The following RYR1 variants were observed in gnomAD, a reference collection of about 807,000 sequenced individuals.
RYR1 encodes ryanodine receptor 1, also known as central core disease of muscle.
Under a neutral mutation model 583.5 loss-of-function variants are expected in RYR1, and 342 were observed. The observed-to-expected ratio is 0.59, with a 90% CI of 0.54 to 0.64. The LOEUF is 0.64. Among genes scored for constraint, RYR1 ranks in the 30% least tolerant of loss-of-function variants. RYR1 has a pLI of 0.00. For synonymous variants in RYR1, 2,791 were observed against 2,822.5 expected (o/e 0.99, Z 0.35); for missense variants, 6,032 against 6,917.2 (o/e 0.87, Z 4.54).
intron 81 of RYR1, 22 bp from the exon 82 acceptor site, chr19:38,535,975 A>G (rs372967786): frequency 1.7e-5 from 27 of 1,610,378 alleles, no homozygotes; most frequent in South Asian, 1.1e-4. Context: ...CATACCCCCT[A>G]TCTTTCCTTT....
At chr19:38,434,008 T>C in intron 1 of RYR1, 134 bp downstream of exon 1, 1 of 811,092 alleles carries the variant, frequency 1.2e-6, no homozygotes, top group Non-Finnish European at 2.2e-6. Flanking sequence ...TCACTTTGAG[T>C]GACTGTCACT....
Position 38,516,198 on chromosome 19 carries a change from G to T in RYR1, c.9666G>T (p.Lys3222Asn). The T allele has an allele frequency of 6.3e-7, 1 of 1,580,956 alleles. No homozygotes were observed. The highest frequency in any genetic ancestry group is 1.7e-4 in the Middle Eastern group (1 of 5,990). ...ACGCCTGCTCCGTGTACACCACCAA[G>T]TCTCCGCGGGAGCGGGCCAGTAAGC... ...EYNACSVYTT[K>N]SPRERAILGL... Residue 3222 changes from lysine to asparagine, a missense_variant, in exon 65 of 106, where the codon AAG (lysine) becomes AAT (asparagine). Coordinates refer to ENST00000359596, the MANE Select transcript of RYR1 (RefSeq NM_000540.3).
Position 38,444,443 on chromosome 19 carries a change from T to C in RYR1, c.538-141T>C. On this transcript the variant is annotated intron_variant, in intron 6 of 105. Coordinates refer to ENST00000359596, the MANE Select transcript of RYR1 (RefSeq NM_000540.3). This position sits in a 1 kb window ranked among gnomAD's most constrained non-coding sequence, Gnocchi z 5.1. ...GACCTCCCATTGCCCGACTTGATCA[T>C]TTCCTGATCTGTGATCTCTGATGAC... The C allele has an allele frequency of 2.3e-6, 2 of 864,146 alleles. No individual in the cohort carries two copies. The highest frequency in any genetic ancestry group is 1.4e-5 in the South Asian group (1 of 70,136). The allele number at this position is 864,146 out of a possible 1,614,324, so 53.5% of individuals were successfully genotyped here. A position where few individuals can be genotyped will look rare whatever the true frequency, so the allele number is the denominator to read the frequency against.
chr19:38,492,570 G>C lies in RYR1; in HGVS notation c.6208G>C (p.Val2070Leu), dbSNP rs749274175. The C allele has an allele frequency of 6.2e-7, 1 of 1,614,070 alleles. No individual in the cohort carries two copies. The highest frequency in any genetic ancestry group is 2.2e-5 in the East Asian group (1 of 44,876). Residue 2070 changes from valine (V) to leucine (L), a missense_variant, in exon 38 of 106, where the codon GTG becomes CTG. By Grantham distance (32) the Val-to-Leu change is conservative (BLOSUM62 1). Transcript: ENST00000359596. Reference sequence around the variant, plus strand: ...CCGCCTCATGAGCCTGTTGGAGAAAGTGCGGCTGGTGAAGAAGAAGGAAGA... The same window carrying C: ...CCGCCTCATGAGCCTGTTGGAGAAACTGCGGCTGGTGAAGAAGAAGGAAGA... ...GSRLMSLLEK[V>L]RLVKKKEEKP...
At chr19:38,554,299 A>G (rs1220649952) in intron 89 of RYR1, among the ~76,000 whole-genome samples, 2 of 150,206 alleles carry the variant, frequency 1.3e-5, no homozygotes, top group Non-Finnish European at 3.0e-5. Flanking sequence ...TAAAAATACG[A>G]AAAAATAGCG....
rs1047515754 is a variant in RYR1, at chr19:38,530,163, A to G, written c.11141+1106A>G. Among the ~76,000 whole-genome samples the G allele has an allele frequency of 3.9e-5, 6 of 152,228 alleles. No homozygotes were observed. The East Asian group carries it at 9.7e-4, about 24-fold the overall frequency. ...GAGACGGGCTTTCACCATGTTGGCC[A>G]TGCTTGTCTCAAACTCCTGACCTCA... On this transcript the variant is annotated intron_variant, in intron 76 of 105. Coordinates refer to ENST00000359596, the MANE Select transcript of RYR1 (RefSeq NM_000540.3).
At chr19:38,436,339 C>T (rs913527195) in intron 1 of RYR1, among the ~76,000 whole-genome samples, 3 of 152,086 alleles carry the variant, frequency 2.0e-5, no homozygotes, top group Admixed American at 6.5e-5. Flanking sequence ...TCCTGAGTAG[C>T]TGGGACTACA....
intron 58 of RYR1, among the ~76,000 whole-genome samples, chr19:38,509,906 G>A (rs1970651838): frequency 6.6e-6 from 1 of 151,248 alleles, no homozygotes; most frequent in Admixed American, 6.6e-5. Context: ...TTAACTCAGT[G>A]CCATGTATTC....
chr19:38,507,959 T>C, intron 58 of RYR1, 132 bp downstream of exon 58: 1 of 681,142 alleles, frequency 1.5e-6, no homozygotes, highest in African/African-American at 1.8e-5. Context: ...GAGCTTCTAC[T>C]ATGTGCCAGA....
Position 38,492,543 on chromosome 19 carries a change from A to T in RYR1, c.6181A>T (p.Ser2061Cys). 6.2e-7 allele frequency: 1 copy of T among 1,614,126 alleles called. No homozygotes were observed. The highest frequency in any genetic ancestry group is 8.5e-7 in the Non-Finnish European group (1 of 1,179,994). Reference sequence around the variant, plus strand: ...ACCAGAGGAAGAGACCACCCTGGGCAGCCGCCTCATGAGCCTGTTGGAGAA... The same window carrying T: ...ACCAGAGGAAGAGACCACCCTGGGCTGCCGCCTCATGAGCCTGTTGGAGAA... ...EEPEEETTLG[S>C]RLMSLLEKVR... is the part of the protein sequence containing the mutation. Residue 2061 changes from serine (S) to cysteine (C), a missense_variant, in exon 38 of 106, where the codon AGC becomes TGC. This residue lies in a region of RYR1 where 2,627 missense variants were observed against 2,961.3 expected (regional missense o/e 0.89). Coordinates refer to ENST00000359596, the MANE Select transcript of RYR1 (RefSeq NM_000540.3).
intron 105 of RYR1, 82 bp downstream of exon 105, chr19:38,586,658 G>T: frequency 7.5e-7 from 1 of 1,340,070 alleles, no homozygotes; most frequent in African/African-American, 1.4e-5. Context: ...GCAGTAAAAA[G>T]CTCCTATCAA....
intron 23 of RYR1, among the ~76,000 whole-genome samples, chr19:38,465,109 T>G (rs951987088): frequency 7.9e-5 from 12 of 152,084 alleles, no homozygotes; most frequent in African/African-American, 2.4e-5. Context: ...TTACACGTCC[T>G]GAGTTCAGAG....
chr19:38,445,749 G>A (rs1463581470), intron 7 of RYR1, among the ~76,000 whole-genome samples: 1 of 152,172 alleles, frequency 6.6e-6, no homozygotes, highest in Non-Finnish European at 1.5e-5. Flanking sequence ...AGCACTTTGA[G>A]GGGCCAAGGC....
Position 38,543,900 on chromosome 19 carries a change from C to T in RYR1, c.12012+25C>T. 1 of 1,605,112 alleles carries T rather than the reference C, an allele frequency of 6.2e-7. No homozygotes were observed. The highest frequency in any genetic ancestry group is 8.5e-7 in the Non-Finnish European group (1 of 1,175,314). ...GGTTCGAGCCCCTCTGGTCTCCATC[C>T]ACCTGCTTCCGGGCGTCCCCCAAGT... On this transcript the variant is annotated intron_variant, in intron 87 of 105. Coordinates refer to ENST00000359596, the MANE Select transcript of RYR1 (RefSeq NM_000540.3). This position sits in a 1 kb window ranked among gnomAD's most constrained non-coding sequence, Gnocchi z 4.4.
Position 38,532,401 on chromosome 19 carries a change from G to A in RYR1, c.11142-89G>A, listed in dbSNP as rs577775520. 57 of 1,323,682 alleles carry A rather than the reference G, an allele frequency of 4.3e-5. 1 individual carries two copies. The South Asian group carries it at 6.7e-4, about 16-fold the overall frequency. 82.0% of individuals were successfully genotyped at this position (1,323,682 alleles called of 1,614,324 possible). A position where few individuals can be genotyped will look rare whatever the true frequency, so the allele number is the denominator to read the frequency against. ...GCCTCCCAGAGTGTTGGGATTACAG[G>A]CATGAGCCACCGCACCCTGCCCAGA... On this transcript the variant is annotated intron_variant, in intron 76 of 105. Transcript: ENST00000359596.
chr19:38,514,669 A>G (rs1276065613), intron 63 of RYR1, among the ~76,000 whole-genome samples: 1 of 152,054 alleles, frequency 6.6e-6, no homozygotes, highest in Non-Finnish European at 1.5e-5. Flanking sequence ...TGGAGGAAGT[A>G]CCCCTCACTT....
rs1366072302 is a variant in RYR1, at chr19:38,565,968, G to A, written c.13437+197G>A. On this transcript the variant is annotated intron_variant, in intron 91 of 105. Coordinates refer to ENST00000359596, the MANE Select transcript of RYR1 (RefSeq NM_000540.3). This position sits in a 1 kb window ranked among gnomAD's most constrained non-coding sequence, Gnocchi z 4.7. ...GGCAAGAGAGACGCTCAGAGACAGA[G>A]GGATACTCAGACCCACAGAGAAAGA... Among the ~76,000 whole-genome samples, 1 of 152,000 alleles carries A rather than the reference G, an allele frequency of 6.6e-6. No individual in the cohort carries two copies. Among genetic ancestry groups the A allele is most frequent in the African/African-American group, 2.4e-5 (1 of 41,372 alleles).
chr19:38,548,135 C>A, intron 88 of RYR1, 98 bp from the exon 89 acceptor site: 1 of 1,349,622 alleles, frequency 7.4e-7, no homozygotes, highest in Non-Finnish European at 1.0e-6. Flanking sequence ...AGGGACACTC[C>A]AGCAGCGTGG....
In RYR1 at chr19:38,565,108, G is replaced by T; in HGVS notation, c.12774G>T (p.Glu4258Asp). 1.3e-6 allele frequency: 2 copies of T among 1,543,732 alleles called. No individual in the cohort carries two copies. Among genetic ancestry groups the T allele is most frequent in the South Asian group, 2.4e-5 (2 of 84,290 alleles). ...TCTCGGAGCCCGAGGGCGAGCCGGA[G>T]ACCGACGAGGACGAGGGCGCGGGCG... ...AQISEPEGEPETDEDEGAGAA... is the reference protein window; with the variant it reads ...AQISEPEGEPDTDEDEGAGAA... The change falls in exon 91 of 106, where the codon GAG becomes GAT. Residue 4258 changes from glutamate (E) to aspartate (D), a missense_variant. Physicochemically the swap from Glu to Asp is conservative, Grantham distance 45. Around this residue, in one of 11 missense-constraint regions of RYR1, gnomAD observed 753 missense variants for 759.6 expected, o/e 0.99. Coordinates refer to ENST00000359596, the MANE Select transcript of RYR1 (RefSeq NM_000540.3). This position sits in a 1 kb window ranked among gnomAD's most constrained non-coding sequence, Gnocchi z 4.7.
Sources: allele counts gnomAD v4.1 joint callset (sites outside exome capture counted in the v4.1 genomes callset), GRCh38; gene constraint gnomAD v4.1.1; regional missense constraint gnomAD v4.1.1; non-coding constraint Gnocchi (gnomAD v3.1); transcripts MANE v1.5; gene names NCBI Gene and HGNC (gene_info 2026-07-23, HGNC 2026-07-21).